VPS13C: variants seen among roughly 807,000 people sequenced by gnomAD.
VPS13C encodes the protein vacuolar protein sorting 13 homolog C.
A neutral mutation model predicts 456.8 loss-of-function variants in VPS13C; 358 were observed. The observed-to-expected ratio is 0.78, with a 90% CI of 0.72 to 0.86. The LOEUF (loss-of-function observed/expected upper bound fraction) is 0.86. VPS13C is among the 40% of genes least tolerant of loss of function. The pLI, the probability that VPS13C is intolerant of heterozygous loss-of-function variation, is 0.00. For missense variants in VPS13C, 4,818 were observed against 4,385.4 expected (o/e 1.10, Z -2.79); for synonymous variants, 1,578 against 1,486.7 (o/e 1.06, Z -1.41).
intron 9 of VPS13C, 64 bp from the exon 10 acceptor site, chr15:62,014,056 T>A: frequency 8.5e-7 from 1 of 1,172,116 alleles, no homozygotes; most frequent in Non-Finnish European, 1.2e-6. Flanking sequence ...GCTCTAATAC[T>A]TACATAATGT....
chr15:62,012,253 C>CACACACACACAAAG (rs2047070252), intron 11 of VPS13C, 89 bp from the exon 12 acceptor site: 1 of 590,484 alleles, frequency 1.7e-6, no homozygotes, highest in South Asian at 2.3e-5. Context: ...CACACACACA[C>CACACACACACAAAG]ACACAAAGCT....
At chr15:61,935,402 T>G (rs1596351801) in intron 48 of VPS13C, 1 of 152,248 alleles carries the variant, frequency 6.6e-6, no homozygotes, top group Non-Finnish European at 1.5e-5. Flanking sequence ...TTCTCCAAGT[T>G]AGAAAATTCT....
chr15:61,930,814 T>C (rs2044029387), intron 50 of VPS13C, among the ~76,000 whole-genome samples: 1 of 152,210 alleles, frequency 6.6e-6, no homozygotes, highest in African/African-American at 2.4e-5. Context: ...CATCACCAAA[T>C]ATATCACCCC....
At chr15:61,919,965 A>G in intron 57 of VPS13C, 102 bp downstream of exon 57, 1 of 1,148,100 alleles carries the variant, frequency 8.7e-7, no homozygotes, top group Non-Finnish European at 1.2e-6. Context: ...CAAATGTTGT[A>G]TCTCCAGATA....
chr15:62,023,970 C>T (rs2047549902), intron 6 of VPS13C, 125 bp from the exon 7 acceptor site: 1 of 599,438 alleles, frequency 1.7e-6, no homozygotes, highest in African/African-American at 1.8e-5. Context: ...TTACCTTATT[C>T]TAAACTGACC....
intron 47 of VPS13C, among the ~76,000 whole-genome samples, chr15:61,938,494 G>A (rs1479861422): frequency 6.6e-6 from 1 of 152,078 alleles, no homozygotes; most frequent in Non-Finnish European, 1.5e-5. Flanking sequence ...TGACCAAAGG[G>A]GGGTGTTTAG....
chr15:61,971,084 T>C (rs1213969835), intron 27 of VPS13C, among the ~76,000 whole-genome samples: 1 of 151,956 alleles, frequency 6.6e-6, no homozygotes. Context: ...AGATGGAATA[T>C]GGCTGAAGCA....
intron 15 of VPS13C, among the ~76,000 whole-genome samples, chr15:62,001,357 G>C (rs1204613054): frequency 1.3e-5 from 2 of 152,170 alleles, no homozygotes; most frequent in Non-Finnish European, 2.9e-5. Context: ...ACTGGTGATT[G>C]TGATATACTT....
chr15:62,001,115 G>A (rs1319674183), intron 15 of VPS13C, among the ~76,000 whole-genome samples: 4 of 152,188 alleles, frequency 2.6e-5, no homozygotes, highest in Non-Finnish European at 5.9e-5. Flanking sequence ...GTACGTGGGG[G>A]AATCCAACAT....
chr15:61,968,367 A>G (rs995649988), intron 28 of VPS13C, among the ~76,000 whole-genome samples: 1 of 152,088 alleles, frequency 6.6e-6, no homozygotes, highest in Non-Finnish European at 1.5e-5. Flanking sequence ...TGTATTAGGT[A>G]TTAGAAGTAA....
rs181569371 is a variant in VPS13C, at chr15:61,908,937, C to T, written c.8978+55G>A. On this transcript the variant is annotated intron_variant, in intron 65 of 84. Transcript: ENST00000644861. ...TTGAATATGAAACCAAAGTGTTTCCCATTAGTTACTATGAACCAATAAAAG... is the reference window on the plus strand; with the variant it reads ...TTGAATATGAAACCAAAGTGTTTCCTATTAGTTACTATGAACCAATAAAAG... 1.5e-4 allele frequency: 230 copies of T among 1,570,760 alleles called. 4 individuals are homozygous for T. In the South Asian group the frequency reaches 2.6e-3, roughly 18 times the overall value.
At position 61,961,911 on chromosome 15, in the gene VPS13C, A is replaced by G; in HGVS notation, c.3604-18T>C. The G allele has an allele frequency of 1.3e-6, 2 of 1,590,958 alleles. No individual in the cohort carries two copies. The highest frequency in any genetic ancestry group is 1.7e-6 in the Non-Finnish European group (2 of 1,170,674). The stretch of plus-strand genomic sequence containing the variant: ...AGGAAGTTCTGTGGACACAAAGCAT[A>G]AAAAGAGAAATTCAAAGAGAATACA... On this transcript the variant is annotated intron_variant, in intron 34 of 84. Coordinates refer to ENST00000644861, the MANE Select transcript of VPS13C (RefSeq NM_020821.3).
intron 3 of VPS13C, 84 bp downstream of exon 3, chr15:62,041,240 A>C (rs2048231891): frequency 6.2e-6 from 9 of 1,450,328 alleles, no homozygotes; most frequent in Non-Finnish European, 8.5e-6. Flanking sequence ...ACTTTTAATC[A>C]AAGATTTTTT....
chr15:62,056,391 T>A (rs1042917540), intron 1 of VPS13C, among the ~76,000 whole-genome samples: 2 of 152,120 alleles, frequency 1.3e-5, no homozygotes, highest in African/African-American at 4.8e-5. Flanking sequence ...CATAGTGAGG[T>A]GTGACCAGAA....
intron 15 of VPS13C, among the ~76,000 whole-genome samples, chr15:62,002,711 G>C (rs943475546): frequency 2.0e-5 from 3 of 151,826 alleles, no homozygotes; most frequent in African/African-American, 7.3e-5. Context: ...GTGTAAGGAA[G>C]GGATCCAGTT....
chr15:61,929,442 G>T (rs1400525544), intron 51 of VPS13C, 59 bp downstream of exon 51: 96 of 1,519,508 alleles, frequency 6.3e-5, no homozygotes, highest in South Asian at 4.3e-4. Flanking sequence ...CTTTTTTCTG[G>T]TTTGTAATTC....
chr15:61,934,347 TAA>T lies in VPS13C; in HGVS notation c.5756-18_5756-17del. 1 of 1,438,004 alleles carries T rather than the reference TAA, an allele frequency of 7.0e-7. No individual in the cohort carries two copies. 89.1% of individuals were successfully genotyped at this position (1,438,004 alleles called of 1,614,324 possible). A position where few individuals can be genotyped will look rare whatever the true frequency, so the allele number is the denominator to read the frequency against. ...TCTTCTTGTTCTAATGGTGAAAATT[TAA>T]AAGCTTTTAAGTAGGTACGTAATTT... On this transcript the variant is annotated splice_polypyrimidine_tract_variant and intron_variant, in intron 48 of 84. Transcript: ENST00000644861.
rs1024330543 is a variant in VPS13C at position 62,023,680 on chromosome 15, G to T, written c.514+100C>A. Reference sequence around the variant, plus strand: ...CATTTCCAACTTAAAACTTGTTTTTGAATTTATACTGTTATCTGACATTCA... The same window carrying T: ...CATTTCCAACTTAAAACTTGTTTTTTAATTTATACTGTTATCTGACATTCA... On this transcript the variant is annotated intron_variant, in intron 7 of 84. Coordinates refer to ENST00000644861, the MANE Select transcript of VPS13C (RefSeq NM_020821.3). The T allele has an allele frequency of 8.3e-5, 107 of 1,291,418 alleles. No individual in the cohort carries two copies. The Middle Eastern group carries it at 1.1e-3, about 13-fold the overall frequency. The allele number at this position is 1,291,418 out of a possible 1,614,324, so 80.0% of individuals were successfully genotyped here. A position where few individuals can be genotyped will look rare whatever the true frequency, so the allele number is the denominator to read the frequency against.
chr15:61,925,294 A>G (rs891198260), intron 53 of VPS13C, among the ~76,000 whole-genome samples, 162 bp downstream of exon 53: 1 of 152,164 alleles, frequency 6.6e-6, no homozygotes, highest in Non-Finnish European at 1.5e-5. Flanking sequence ...TTTGCATTAA[A>G]GAAAAATATA....
Sources: allele counts gnomAD v4.1 joint callset (sites outside exome capture counted in the v4.1 genomes callset), GRCh38; gene constraint gnomAD v4.1.1; transcripts MANE v1.5; gene names NCBI Gene and HGNC (gene_info 2026-07-23, HGNC 2026-07-21).